The following GABRG3 variants were observed in gnomAD, a reference collection of about 807,000 sequenced individuals.
GABRG3 encodes the protein gamma-aminobutyric acid receptor subunit gamma-3.
GABRG3 carries 25 observed loss-of-function variants against 48.8 expected under a neutral mutation model. The ratio of observed to expected loss-of-function variants is 0.51; its 90% confidence interval spans 0.37 to 0.72. The LOEUF is 0.72. Among genes scored for constraint, GABRG3 ranks in the 30% least tolerant of loss-of-function variants. GABRG3 has a pLI of 0.00. For synonymous variants in GABRG3, 227 were observed against 217.6 expected, an observed-to-expected ratio of 1.04 and a Z score of -0.38; for missense variants, 394 against 577.9, an observed-to-expected ratio of 0.68 and a Z score of 3.26.
chr15:27,435,040 C>T (rs1222689675), intron 5 of GABRG3, among the ~76,000 whole-genome samples: 1 of 152,070 alleles, frequency 6.6e-6, no homozygotes, highest in Non-Finnish European at 1.5e-5. Flanking sequence ...TGTGCTCACT[C>T]CCCTCTCTTT....
At chr15:26,971,719 T>G (rs1301939359) in intron 1 of GABRG3, 131 bp downstream of exon 1, 1 of 1,050,002 alleles carries the variant, frequency 9.5e-7, no homozygotes, top group Non-Finnish European at 1.3e-6. Context: ...GGGAGGGGAC[T>G]GGGAAGTCGG....
At chr15:27,071,804 T>A in intron 3 of GABRG3, among the ~76,000 whole-genome samples, 1 of 152,246 alleles carries the variant, frequency 6.6e-6, no homozygotes, top group Non-Finnish European at 1.5e-5. Context: ...CTTCTTAAAG[T>A]GTATCTTAAG....
At chr15:26,973,492 G>T (rs1894882092) in intron 1 of GABRG3, among the ~76,000 whole-genome samples, 1 of 152,166 alleles carries the variant, frequency 6.6e-6, no homozygotes, top group South Asian at 2.1e-4. Flanking sequence ...AATCTGATGT[G>T]CAGTGTCATC....
intron 3 of GABRG3, among the ~76,000 whole-genome samples, chr15:27,194,062 A>G (rs1056336166): frequency 4.6e-5 from 7 of 152,140 alleles, no homozygotes; most frequent in Non-Finnish European, 1.0e-4. Context: ...ATGTCTTTCA[A>G]TATTTTGTTT....
At chr15:27,209,119 C>T (rs1462700013) in intron 3 of GABRG3, among the ~76,000 whole-genome samples, 3 of 152,092 alleles carry the variant, frequency 2.0e-5, no homozygotes, top group Non-Finnish European at 2.9e-5. Flanking sequence ...TCTGTGTCTG[C>T]GAGGGATTTT....
chr15:27,167,440 G>T (rs1217555868), intron 3 of GABRG3, among the ~76,000 whole-genome samples: 2 of 152,192 alleles, frequency 1.3e-5, no homozygotes, highest in Non-Finnish European at 2.9e-5. Flanking sequence ...AGATGTCCTG[G>T]CTGGGCTCAG....
At chr15:27,069,539 T>C (rs954996645) in intron 3 of GABRG3, among the ~76,000 whole-genome samples, 1 of 152,240 alleles carries the variant, frequency 6.6e-6, no homozygotes, top group Non-Finnish European at 1.5e-5. Flanking sequence ...CTCCTCTCTT[T>C]CGCTGTGTGC....
chr15:27,025,095 T>C (rs1877287539), intron 2 of GABRG3, among the ~76,000 whole-genome samples: 1 of 151,718 alleles, frequency 6.6e-6, no homozygotes, highest in African/African-American at 2.4e-5. Flanking sequence ...AGTGTGTGTG[T>C]GTGTGCGCAC....
chr15:27,208,169 C>A, intron 3 of GABRG3: 1 of 162,972 alleles, frequency 6.1e-6, no homozygotes, highest in South Asian at 1.6e-4. Flanking sequence ...GGGCTGATCT[C>A]ACAGTTCTGC....
chr15:27,363,851 G>C (rs1895104131), intron 5 of GABRG3: 1 of 152,224 alleles, frequency 6.6e-6, no homozygotes, highest in Admixed American at 6.5e-5. Flanking sequence ...TGAAATTTCA[G>C]ACATGAGCAA....
At chr15:27,367,326 C>G (rs1895242068) in intron 5 of GABRG3, among the ~76,000 whole-genome samples, 1 of 152,208 alleles carries the variant, frequency 6.6e-6, no homozygotes, top group South Asian at 2.1e-4. Flanking sequence ...CAACACACCT[C>G]TTGACCTATC....
At chr15:27,185,599 T>C (rs1888067777) in intron 3 of GABRG3, among the ~76,000 whole-genome samples, 1 of 152,182 alleles carries the variant, frequency 6.6e-6, no homozygotes, top group African/African-American at 2.4e-5. Flanking sequence ...TAATTTTCTG[T>C]CTAATGGTTC....
intron 3 of GABRG3, among the ~76,000 whole-genome samples, chr15:27,104,691 C>G (rs1897420001): frequency 6.6e-6 from 1 of 152,064 alleles, no homozygotes; most frequent in South Asian, 2.1e-4. Flanking sequence ...GAACAAAAGC[C>G]CCAGGTGCTG....
intron 3 of GABRG3, among the ~76,000 whole-genome samples, chr15:27,126,079 A>C (rs1418104074): frequency 2.0e-5 from 3 of 152,216 alleles, no homozygotes; most frequent in African/African-American, 7.2e-5. Flanking sequence ...GCCTAAATCC[A>C]CGGGGAGATT....
chr15:27,393,344 CAAAAAAAAAA>C (rs34689012), intron 5 of GABRG3, among the ~76,000 whole-genome samples: 5 of 113,004 alleles, frequency 4.4e-5, no homozygotes, highest in Non-Finnish European at 7.5e-5. Flanking sequence ...ACTCCGTCTC[CAAAAAAAAAA>C]AAAAAAAAGA....
In GABRG3 at chr15:26,976,672, G is replaced by A. The variant is rs995414072; in HGVS notation, c.54-330G>A. Among the ~76,000 whole-genome samples the A allele has an allele frequency of 4.6e-5, 7 of 152,122 alleles. No homozygotes were observed. The highest frequency in any genetic ancestry group is 1.0e-4 in the Non-Finnish European group (7 of 68,036). ...GTGCCTTGACCTTCACAGGCTATCGGGGTGGATCCAAGGGTGTGTTGCCTG... is the reference window on the plus strand; with the variant it reads ...GTGCCTTGACCTTCACAGGCTATCGAGGTGGATCCAAGGGTGTGTTGCCTG... On this transcript the variant is annotated intron_variant, in intron 1 of 9. Coordinates refer to ENST00000615808, the MANE Select transcript of GABRG3 (RefSeq NM_033223.5). This position sits in a 1 kb window ranked among gnomAD's most constrained non-coding sequence, Gnocchi z 7.8.
intron 3 of GABRG3, among the ~76,000 whole-genome samples, chr15:27,119,795 A>G (rs1445256386): frequency 1.3e-5 from 2 of 152,226 alleles, no homozygotes; most frequent in Non-Finnish European, 2.9e-5. Flanking sequence ...CAGAGGTGCC[A>G]CAGTTCCAAG....
rs550491970 is a variant in GABRG3, at chr15:27,164,714, G to T, written c.270+137893G>T. 1.1e-3 allele frequency among the ~76,000 whole-genome samples: 162 copies of T among 152,356 alleles called. 1 individual carries two copies. Among genetic ancestry groups the T allele is most frequent in the African/African-American group, 3.8e-3 (156 of 41,586 alleles). ...ATTCTGCAATATCTGATAGCTCTAT[G>T]ATGATGAGATTTACGTCGAACCTTT... On this transcript the variant is annotated intron_variant, in intron 3 of 9. Transcript: ENST00000615808.
chr15:27,361,421 T>C, intron 5 of GABRG3, among the ~76,000 whole-genome samples: 1 of 152,188 alleles, frequency 6.6e-6, no homozygotes, highest in Non-Finnish European at 1.5e-5. Context: ...GCCCTGAGAC[T>C]CAGGACTGCC....
Sources: allele counts gnomAD v4.1 joint callset (sites outside exome capture counted in the v4.1 genomes callset), GRCh38; gene constraint gnomAD v4.1.1; non-coding constraint Gnocchi (gnomAD v3.1); transcripts MANE v1.5; gene names NCBI Gene and HGNC (gene_info 2026-07-23, HGNC 2026-07-21).